Variants in ARHGAP15 observed in about 807,000 individuals in gnomAD.
The protein encoded by ARHGAP15 is Rho GTPase activating protein 15.
Under a neutral mutation model 63.7 loss-of-function variants are expected in ARHGAP15, and 51 were observed. The observed-to-expected ratio is 0.80, with a 90% confidence interval of 0.64 to 1.01. The LOEUF (loss-of-function observed/expected upper bound fraction) is 1.01, where lower values mean the gene tolerates loss of function less well. Ranked by LOEUF, ARHGAP15 falls within the 50% of genes least tolerant of loss-of-function variation. The pLI is 0.00. For synonymous variants in ARHGAP15, 191 were observed against 193.8 expected (o/e 0.99, Z 0.12); for missense variants, 560 against 564.6 (o/e 0.99, Z 0.08).
intron 12 of ARHGAP15, among the ~76,000 whole-genome samples, chr2:143,625,465 TTGCTGC>T (rs141782073): frequency 5.3e-5 from 8 of 151,310 alleles, no homozygotes; most frequent in African/African-American, 9.7e-5. Context: ...GTTGTTGCTA[TTGCTGC>T]TGCTGCTGCT....
chr2:143,672,943 G>A (rs970005393), intron 12 of ARHGAP15, among the ~76,000 whole-genome samples: 1 of 152,014 alleles, frequency 6.6e-6, no homozygotes, highest in African/African-American at 2.4e-5. Flanking sequence ...CTCCATAATA[G>A]AGTGTCTGCT....
chr2:143,758,057 C>T (rs1465003402), intron 13 of ARHGAP15, among the ~76,000 whole-genome samples: 1 of 151,834 alleles, frequency 6.6e-6, no homozygotes, highest in Non-Finnish European at 1.5e-5. Context: ...GAAGAAGCAA[C>T]CTAAAAACCA....
At chr2:143,581,133 C>T (rs1458434962) in intron 11 of ARHGAP15, among the ~76,000 whole-genome samples, 1 of 152,128 alleles carries the variant, frequency 6.6e-6, no homozygotes, top group African/African-American at 2.4e-5. Flanking sequence ...TATGCTTGAA[C>T]ACCGTCCATG....
At chr2:143,674,581 C>T (rs1171870085) in intron 12 of ARHGAP15, among the ~76,000 whole-genome samples, 8 of 152,140 alleles carry the variant, frequency 5.3e-5, no homozygotes, top group Admixed American at 3.9e-4. Context: ...AACTTACAGG[C>T]ATACCTCAGA....
intron 12 of ARHGAP15, among the ~76,000 whole-genome samples, chr2:143,658,430 T>A (rs1418349838): frequency 6.6e-6 from 1 of 152,238 alleles, no homozygotes; most frequent in Middle Eastern, 3.2e-3. Flanking sequence ...TCCTGTAAAC[T>A]ACTGAGAGAC....
chr2:143,498,686 A>G (rs1692927385), intron 9 of ARHGAP15, among the ~76,000 whole-genome samples: 1 of 152,008 alleles, frequency 6.6e-6, no homozygotes, highest in South Asian at 2.1e-4. Context: ...ACCCCCCAAA[A>G]TTTGGAAACG....
intron 5 of ARHGAP15, among the ~76,000 whole-genome samples, chr2:143,239,268 C>G (rs1428506095): frequency 6.6e-6 from 1 of 152,086 alleles, no homozygotes; most frequent in Non-Finnish European, 1.5e-5. Context: ...TTAAATCAAG[C>G]TATTAACACT....
chr2:143,398,412 T>C (rs1183524123), intron 6 of ARHGAP15, among the ~76,000 whole-genome samples: 1 of 152,048 alleles, frequency 6.6e-6, no homozygotes, highest in African/African-American at 2.4e-5. Context: ...CCATCTGCAG[T>C]GTTGTTGATT....
chr2:143,542,977 G>A (rs182502536), intron 10 of ARHGAP15, among the ~76,000 whole-genome samples: 53 of 149,946 alleles, frequency 3.5e-4, no homozygotes, highest in African/African-American at 1.3e-3. Context: ...CCATATCTTG[G>A]TTATTGTAAA....
chr2:143,513,443 A>T (rs1372536575), intron 9 of ARHGAP15, among the ~76,000 whole-genome samples: 2 of 152,160 alleles, frequency 1.3e-5, no homozygotes. Flanking sequence ...CTTATAACTA[A>T]GTAGTCCCCA....
chr2:143,369,361 A>G (rs1442676516), intron 6 of ARHGAP15, among the ~76,000 whole-genome samples: 1 of 152,074 alleles, frequency 6.6e-6, no homozygotes, highest in African/African-American at 2.4e-5. Flanking sequence ...ATATAATGCC[A>G]ATTTTCCTTT....
At chr2:143,361,826 A>G (rs1437894677) in intron 6 of ARHGAP15, among the ~76,000 whole-genome samples, 1 of 152,158 alleles carries the variant, frequency 6.6e-6, no homozygotes, top group East Asian at 1.9e-4. Flanking sequence ...GCTGCCAGAG[A>G]GATTATTCCA....
chr2:143,241,734 G>A (rs1457222189), intron 5 of ARHGAP15, among the ~76,000 whole-genome samples: 2 of 152,204 alleles, frequency 1.3e-5, no homozygotes, highest in Non-Finnish European at 2.9e-5. Context: ...CACAGCGAGA[G>A]CAGCATCAGT....
At chr2:143,738,533 G>A (rs555451964) in intron 13 of ARHGAP15, among the ~76,000 whole-genome samples, 2 of 152,116 alleles carry the variant, frequency 1.3e-5, no homozygotes, top group Admixed American at 6.6e-5. Context: ...GCCTCTCTTC[G>A]AACATCATGG....
intron 8 of ARHGAP15, among the ~76,000 whole-genome samples, chr2:143,464,018 A>C (rs572655164): frequency 6.6e-6 from 1 of 152,308 alleles, no homozygotes; most frequent in African/African-American, 2.4e-5. Context: ...TCTTGAAGAC[A>C]TCTCCATTCA....
intron 8 of ARHGAP15, among the ~76,000 whole-genome samples, chr2:143,467,106 T>G (rs1271219005): frequency 2.0e-5 from 3 of 152,110 alleles, no homozygotes; most frequent in Non-Finnish European, 4.4e-5. Context: ...ACTCTTGCTA[T>G]ACTCTTAAGC....
intron 6 of ARHGAP15, among the ~76,000 whole-genome samples, chr2:143,276,057 C>T (rs1352835641): frequency 1.3e-5 from 2 of 152,176 alleles, no homozygotes; most frequent in Admixed American, 6.5e-5. Context: ...ACTTCCATAG[C>T]GAGAATCGTT....
intron 6 of ARHGAP15, among the ~76,000 whole-genome samples, chr2:143,388,501 A>C (rs1291082648): frequency 6.6e-6 from 1 of 152,160 alleles, no homozygotes. Flanking sequence ...AAACCCCCAA[A>C]CTTGGGCCTT....
chr2:143,330,356 CA>C (rs1684492689), intron 6 of ARHGAP15, among the ~76,000 whole-genome samples: 1 of 151,734 alleles, frequency 6.6e-6, no homozygotes, highest in African/African-American at 2.4e-5. Flanking sequence ...ATTTTCCCAT[CA>C]AATTTTAATA....
Sources: allele counts gnomAD v4.1 joint callset (sites outside exome capture counted in the v4.1 genomes callset), GRCh38; gene constraint gnomAD v4.1.1; transcripts MANE v1.5; gene names NCBI Gene and HGNC (gene_info 2026-07-23, HGNC 2026-07-21).